The following CCDC27 variants were observed in gnomAD, a reference collection of about 807,000 sequenced individuals.
The protein encoded by CCDC27 is coiled-coil domain-containing protein 27.
Under a neutral mutation model 80.3 loss-of-function variants are expected in CCDC27, and 80 were observed. The ratio of observed to expected loss-of-function variants is 1.00; its 90% confidence interval spans 0.83 to 1.20. The LOEUF (loss-of-function observed/expected upper bound fraction) is 1.20, where lower values mean the gene tolerates loss of function less well. Ranked by LOEUF, CCDC27 falls within the 50% of genes most tolerant of loss-of-function variation. The pLI, the probability that CCDC27 is intolerant of heterozygous loss-of-function variation, is 0.00. For missense variants in CCDC27, 815 were observed against 809.4 expected (o/e 1.01, Z -0.08); for synonymous variants, 342 against 334.3 (o/e 1.02, Z -0.25).
At chr1:3,770,414 A>AG (rs1338746668) in intron 11 of CCDC27, among the ~76,000 whole-genome samples, 1 of 152,172 alleles carries the variant, frequency 6.6e-6, no homozygotes, top group Non-Finnish European at 1.5e-5. Context: ...ACTGGGCATG[A>AG]GGGGGTCACC....
At position 3,761,230 on chromosome 1, in the gene CCDC27, A is replaced by C; in HGVS notation, c.712-51A>C. 2 of 1,593,018 alleles carry C rather than the reference A, an allele frequency of 1.3e-6. No homozygotes were observed. Among genetic ancestry groups the C allele is most frequent in the Non-Finnish European group, 1.7e-6 (2 of 1,168,374 alleles). On this transcript the variant is annotated intron_variant, in intron 4 of 11. Transcript: ENST00000294600. This position sits in a 1 kb window ranked among gnomAD's most constrained non-coding sequence, Gnocchi z 5.0. ...GGTGGGCTGGAGGCAGGTCAGGGGA[A>C]GAGTGTGTGGCTGCATGGCCCACGG...
chr1:3,770,908 A>G (rs986317455), intron 11 of CCDC27, among the ~76,000 whole-genome samples: 21 of 152,170 alleles, frequency 1.4e-4, no homozygotes, highest in Non-Finnish European at 2.6e-4. Flanking sequence ...CTTGCTTGCC[A>G]TAGCCTGACA....
Position 3,767,224 on chromosome 1 carries a change from T to C in CCDC27, c.1531-9T>C. ...ACCCCACCTCTTTTTTCTCCCCGGC[T>C]GTCCCCAGCAAGTGTCGGAACTGGA... On this transcript the variant is annotated splice_polypyrimidine_tract_variant and intron_variant, in intron 9 of 11. Coordinates refer to ENST00000294600, the MANE Select transcript of CCDC27 (RefSeq NM_152492.3). 1 of 1,613,098 alleles carries C rather than the reference T, an allele frequency of 6.2e-7. No homozygotes were observed. Among genetic ancestry groups the C allele is most frequent in the Non-Finnish European group, 8.5e-7 (1 of 1,179,360 alleles).
chr1:3,755,340 T>G (rs781538875), intron 2 of CCDC27, 117 bp from the exon 3 acceptor site: 8 of 857,464 alleles, frequency 9.3e-6, no homozygotes, highest in Non-Finnish European at 1.4e-5. Context: ...ATGCATCCAT[T>G]AAAAAAAGCC....
chr1:3,752,720 G>A lies in CCDC27; in HGVS notation c.239G>A (p.Cys80Tyr). 1 of 1,613,874 alleles carries A rather than the reference G, an allele frequency of 6.2e-7. No individual in the cohort carries two copies. The highest frequency in any genetic ancestry group is 1.1e-5 in the South Asian group (1 of 91,084). ...AGCATGGCCAGCCGGGACGCCCGGT[G>A]CCCAGAATGGAAACCGCACCAAAAG... ...LQSMASRDAR[C>Y]PEWKPHQKPR... The change falls in exon 1 of 12, where the codon TGC (cysteine) becomes TAC (tyrosine). Residue 80 changes from cysteine to tyrosine, a missense_variant. Coordinates refer to ENST00000294600, the MANE Select transcript of CCDC27 (RefSeq NM_152492.3).
intron 1 of CCDC27, 71 bp from the exon 2 acceptor site, chr1:3,754,047 G>A (rs879147716): frequency 1.3e-6 from 2 of 1,575,788 alleles, no homozygotes; most frequent in African/African-American, 2.7e-5. Flanking sequence ...GGGAAACAGG[G>A]TCTGCCCTTG....
chr1:3,754,130 G>A lies in CCDC27; in HGVS notation c.331G>A (p.Asp111Asn). The A allele has an allele frequency of 1.2e-6, 2 of 1,613,456 alleles. No homozygotes were observed. The highest frequency in any genetic ancestry group is 1.7e-6 in the Non-Finnish European group (2 of 1,179,740). Residue 111 changes from aspartate to asparagine, a missense_variant, in exon 2 of 12, where the codon GAT becomes AAT. Asp to Asn is a conservative substitution (Grantham distance 23). Transcript: ENST00000294600. Reference protein sequence around the residue: ...RYYRKTSEPKDAASLTGFMSK... With the variant: ...RYYRKTSEPKNAASLTGFMSK... ...CCCGCTCTGCCAGAGTGAACCCAAG[G>A]ATGCCGCCAGCCTCACCGGCTTCAT...
At chr1:3,764,853 T>C (rs1195573411) in intron 8 of CCDC27, among the ~76,000 whole-genome samples, 2 of 152,120 alleles carry the variant, frequency 1.3e-5, no homozygotes, top group Admixed American at 6.5e-5. Flanking sequence ...CTGACCAATA[T>C]GGTGAAACCC....
In CCDC27 at chr1:3,771,431, A is replaced by G. The variant is rs766072974; in HGVS notation, c.1879A>G (p.Asn627Asp). ...TATCTCAGAGAGAAGCGACTACTATAATCAGCTGAAGCAGAAAGGCGTCAA... is the reference window on the plus strand; with the variant it reads ...TATCTCAGAGAGAAGCGACTACTATGATCAGCTGAAGCAGAAAGGCGTCAA... The part of the protein sequence containing the change: ...RIISERSDYY[N>D]QLKQKGVKVP... The change falls in exon 12 of 12, where the codon AAT becomes GAT. Residue 627 changes from asparagine (N) to aspartate (D), a missense_variant. By Grantham distance (23) the Asn-to-Asp change is conservative. Transcript: ENST00000294600. The G allele has an allele frequency of 2.5e-6, 4 of 1,614,020 alleles. No homozygotes were observed. Among genetic ancestry groups the G allele is most frequent in the Non-Finnish European group, 2.5e-6 (3 of 1,179,966 alleles).
At chr1:3,753,994 C>T (rs113773249) in intron 1 of CCDC27, 124 bp from the exon 2 acceptor site, 45 of 1,401,262 alleles carry the variant, frequency 3.2e-5, no homozygotes, top group South Asian at 6.7e-5. Flanking sequence ...CATCTACATA[C>T]GACTCATAGG....
rs925954633 is a variant in CCDC27 at position 3,763,442 on chromosome 1, A to G, written c.1289A>G (p.Glu430Gly). The change falls in exon 7 of 12, where the codon GAG becomes GGG. Residue 430 changes from glutamate (E) to glycine (G), a missense_variant. Glu to Gly is a moderately conservative substitution (Grantham distance 98, BLOSUM62 -2). Transcript: ENST00000294600. This position sits in a 1 kb window ranked among gnomAD's most constrained non-coding sequence, Gnocchi z 7.5. ...ATCCTGGACTTCCAGTTCAACCTGGAGGCCACCAGGACCAGATACTCCCTT... is the reference window on the plus strand; with the variant it reads ...ATCCTGGACTTCCAGTTCAACCTGGGGGCCACCAGGACCAGATACTCCCTT... ...QVILDFQFNL[E>G]ATRTRYSLAT... The G allele has an allele frequency of 9.3e-6, 15 of 1,609,656 alleles. No individual in the cohort carries two copies. Among genetic ancestry groups the G allele is most frequent in the African/African-American group, 1.3e-5 (1 of 74,832 alleles).
At position 3,769,640 on chromosome 1, in the gene CCDC27, G is replaced by A. The variant is rs1003084968; in HGVS notation, c.1744-143G>A. 2.9e-5 allele frequency: 19 copies of A among 651,854 alleles called. 1 individual carries two copies. In the South Asian group the frequency reaches 3.2e-4, roughly 11 times the overall value. 40.4% of individuals were successfully genotyped at this position (651,854 alleles called of 1,614,324 possible). On this transcript the variant is annotated intron_variant, in intron 10 of 11. Coordinates refer to ENST00000294600, the MANE Select transcript of CCDC27 (RefSeq NM_152492.3). The surrounding 1 kb of genome is among the most constrained non-coding windows in gnomAD (Gnocchi z 4.6). ...ATCCACATTGACTTCTCTGACACCTGTTTCCAGTTTCTAAAGCCATGAAAA... is the reference window on the plus strand; with the variant it reads ...ATCCACATTGACTTCTCTGACACCTATTTCCAGTTTCTAAAGCCATGAAAA...
In CCDC27 at chr1:3,771,645, C is replaced by G; in HGVS notation, c.*122C>G. ...AATTAAACCCCGGTGTTGGCACTGT[C>G]CCACCTTTTTCTTCTCTGGGATCCA... On this transcript the variant is annotated 3_prime_UTR_variant, in exon 12 of 12. Coordinates refer to ENST00000294600, the MANE Select transcript of CCDC27 (RefSeq NM_152492.3). 8.9e-7 allele frequency: 1 copy of G among 1,127,030 alleles called. No individual in the cohort carries two copies. Among genetic ancestry groups the G allele is most frequent in the Non-Finnish European group, 1.3e-6 (1 of 797,292 alleles). 69.8% of individuals were successfully genotyped at this position (1,127,030 alleles called of 1,614,324 possible).
In CCDC27 at chr1:3,752,707, C is replaced by G. The variant is rs796359964; in HGVS notation, c.226C>G (p.Arg76Gly). The G allele has an allele frequency of 1.2e-6, 2 of 1,613,788 alleles. No homozygotes were observed. Among genetic ancestry groups the G allele is most frequent in the African/African-American group, 2.7e-5 (2 of 74,932 alleles). Residue 76 changes from arginine (R) to glycine (G), a missense_variant, in exon 1 of 12, where the codon CGG becomes GGG. Coordinates refer to ENST00000294600, the MANE Select transcript of CCDC27 (RefSeq NM_152492.3). ...GGTGCTCCTCCAGAGCATGGCCAGC[C>G]GGGACGCCCGGTGCCCAGAATGGAA... ...ALVLLQSMAS[R>G]DARCPEWKPH...
rs1199857717 is a variant in CCDC27, at chr1:3,760,621, A to G, written c.712-660A>G. ...TTCCTTGTGATTTCTTTTTTGACCCATTGGCTACACAGAAGCCTATCACTT... is the reference window on the plus strand; with the variant it reads ...TTCCTTGTGATTTCTTTTTTGACCCGTTGGCTACACAGAAGCCTATCACTT... On this transcript the variant is annotated intron_variant, in intron 4 of 11. Transcript: ENST00000294600. The surrounding 1 kb of genome is among the most constrained non-coding windows in gnomAD (Gnocchi z 4.3). Among the ~76,000 whole-genome samples, 1 of 152,172 alleles carries G rather than the reference A, an allele frequency of 6.6e-6. No individual in the cohort carries two copies. The highest frequency in any genetic ancestry group is 1.5e-5 in the Non-Finnish European group (1 of 68,020).
rs754319019 is a variant in CCDC27, at chr1:3,761,382, C to T, written c.813C>T (p.Cys271=). The T allele has an allele frequency of 1.2e-6, 2 of 1,613,988 alleles. No homozygotes were observed. The highest frequency in any genetic ancestry group is 2.2e-5 in the South Asian group (2 of 91,082). Residue 271 remains cysteine (C), a synonymous_variant, in exon 5 of 12, where the codon TGC becomes TGT. Coordinates refer to ENST00000294600, the MANE Select transcript of CCDC27 (RefSeq NM_152492.3). The surrounding 1 kb of genome is among the most constrained non-coding windows in gnomAD (Gnocchi z 5.0). ...AGGCCCTGAAGATGCAGCTGAAATG[C>T]CTTCTGAAAGGCAAAGGCCAAGAGA... The part of the protein sequence containing the change: ...EREALKMQLK[C]LLKGKGQETS...
In CCDC27 at chr1:3,766,384, C is replaced by A; in HGVS notation, c.1453-151C>A. 1 of 582,974 alleles carries A rather than the reference C, an allele frequency of 1.7e-6. No homozygotes were observed. The highest frequency in any genetic ancestry group is 3.0e-6 in the Non-Finnish European group (1 of 330,020). The allele number at this position is 582,974 out of a possible 1,614,324, so 36.1% of individuals were successfully genotyped here. A position where few individuals can be genotyped will look rare whatever the true frequency, so the allele number is the denominator to read the frequency against. ...CAAACTCTCCAAAATATTTTTAGTC[C>A]TTTTTCTTCTTCTCTTCTCCCTGCC... On this transcript the variant is annotated intron_variant, in intron 8 of 11. Coordinates refer to ENST00000294600, the MANE Select transcript of CCDC27 (RefSeq NM_152492.3). The surrounding 1 kb of genome is among the most constrained non-coding windows in gnomAD (Gnocchi z 6.1).
Position 3,755,451 on chromosome 1 carries a change from C to T in CCDC27, c.443-6C>T. On this transcript the variant is annotated splice_polypyrimidine_tract_variant and splice_region_variant and intron_variant, in intron 2 of 11. Coordinates refer to ENST00000294600, the MANE Select transcript of CCDC27 (RefSeq NM_152492.3). ...GTCACCAGATGGCATCTTTAACACT[C>T]TACAGGTTCACCCACTGAGGCCGAT... 6.2e-7 allele frequency: 1 copy of T among 1,612,952 alleles called. No homozygotes were observed.
In CCDC27 at chr1:3,752,670, G is replaced by A. The variant is rs1557617391; in HGVS notation, c.189G>A (p.Met63Ile). 1 of 1,614,076 alleles carries A rather than the reference G, an allele frequency of 6.2e-7. No homozygotes were observed. Among genetic ancestry groups the A allele is most frequent in the Admixed American group, 1.7e-5 (1 of 60,022 alleles). The change falls in exon 1 of 12, where the codon ATG becomes ATA. Residue 63 changes from methionine to isoleucine, a missense_variant. Coordinates refer to ENST00000294600, the MANE Select transcript of CCDC27 (RefSeq NM_152492.3). Reference protein sequence around the residue: ...SQRHSSMSSSMARALVLLQSM... With the variant: ...SQRHSSMSSSIARALVLLQSM... ...GGCACAGTTCGATGTCCAGCTCGAT[G>A]GCCAGGGCCCTGGTGCTCCTCCAGA...
Sources: gnomAD v4.1 joint callset for allele counts (sites outside exome capture counted in the v4.1 genomes callset) on GRCh38, gnomAD v4.1.1 for gene constraint, Gnocchi (gnomAD v3.1) non-coding constraint, MANE v1.5 for transcripts, NCBI Gene and HGNC (gene_info 2026-07-23, HGNC 2026-07-21) for gene names.